Variants in ST6GALNAC6 observed in about 807,000 individuals in gnomAD.
The protein encoded by ST6GALNAC6 is ST6 N-acetylgalactosaminide alpha-2,6-sialyltransferase 6.
Under a neutral mutation model 34.3 loss-of-function variants are expected in ST6GALNAC6, and 19 were observed. The ratio of observed to expected loss-of-function variants is 0.55; its 90% CI spans 0.39 to 0.81. The LOEUF (loss-of-function observed/expected upper bound fraction) is 0.81. Among genes scored for constraint, ST6GALNAC6 ranks in the 40% least tolerant of loss-of-function variants. ST6GALNAC6 has a pLI of 0.00. For synonymous variants in ST6GALNAC6, 185 were observed against 182.1 expected (o/e 1.02, Z -0.13); for missense variants, 377 against 467.7 (o/e 0.81, Z 1.79).
At chr9:127,894,819 C>T (rs565683047) in intron 3 of ST6GALNAC6, 128 bp from the exon 4 acceptor site, 4 of 998,398 alleles carry the variant, frequency 4.0e-6, no homozygotes, top group African/African-American at 3.2e-5. Context: ...CTACTTCCTC[C>T]AGGAAGGCCT....
chr9:127,887,673 C>T (rs891831779), intron 5 of ST6GALNAC6, 82 bp from the exon 6 acceptor site: 31 of 1,107,982 alleles, frequency 2.8e-5, no homozygotes, highest in Non-Finnish European at 3.6e-5. Flanking sequence ...ACGTGGAGTT[C>T]CCTGGAACTC....
At chr9:127,897,701 T>C in intron 2 of ST6GALNAC6, 1 of 817,794 alleles carries the variant, frequency 1.2e-6, no homozygotes, top group Non-Finnish European at 1.8e-6. Context: ...TCCAGAATCC[T>C]GGGGTGGCCC....
intron 3 of ST6GALNAC6, among the ~76,000 whole-genome samples, chr9:127,895,925 A>T (rs1363788597): frequency 1.3e-5 from 2 of 151,906 alleles, no homozygotes. Flanking sequence ...TTTCCCGCTC[A>T]CCTCCACCTG....
At chr9:127,900,326 C>T (rs1830703787), upstream of ST6GALNAC6, among the ~76,000 whole-genome samples, 1 of 151,998 alleles carries the variant, frequency 6.6e-6, no homozygotes, top group Non-Finnish European at 1.5e-5. Context: ...TTTGGGAGGT[C>T]GAGGCAGGTG....
rs749659295 is a variant in ST6GALNAC6 at position 127,896,294 on chromosome 9, C to T, written c.65G>A (p.Gly22Glu). The T allele has an allele frequency of 2.5e-6, 4 of 1,613,894 alleles. No homozygotes were observed. Among genetic ancestry groups the T allele is most frequent in the East Asian group, 2.2e-5 (1 of 44,886 alleles). Residue 22 changes from glycine to glutamate, a missense_variant, in exon 3 of 7, where the codon GGA becomes GAA. By Grantham distance (98) the Gly-to-Glu change is moderately conservative. Coordinates refer to ENST00000373146, the MANE Select transcript of ST6GALNAC6 (RefSeq NM_013443.5). ...PTSLPPGPPA[G>E]RRHLPLSRRR... ...TCTGCTGAGGGGTAGGTGTCGGCGT[C>T]CTGCAGGTGGCCCTGGGGGCAGGGA...
chr9:127,906,306 C>T (rs1830914655), upstream of ST6GALNAC6, among the ~76,000 whole-genome samples: 1 of 152,190 alleles, frequency 6.6e-6, no homozygotes, highest in African/African-American at 2.4e-5. Context: ...TTGGCAACAG[C>T]AGAGCATTAG....
At position 127,890,551 on chromosome 9, in the gene ST6GALNAC6, C is replaced by T; in HGVS notation, c.704+86G>A. ...GACTTGACTACCCCTCAGAGCAGTG[C>T]ATGCTGGGAGCAACAGGCCCTCTGG... On this transcript the variant is annotated intron_variant, in intron 5 of 6. Transcript: ENST00000373146. The surrounding 1 kb of genome is among the most constrained non-coding windows in gnomAD (Gnocchi z 4.3). 6.3e-7 allele frequency: 1 copy of T among 1,583,300 alleles called. No individual in the cohort carries two copies. The highest frequency in any genetic ancestry group is 8.6e-7 in the Non-Finnish European group (1 of 1,160,792).
intron 4 of ST6GALNAC6, among the ~76,000 whole-genome samples, chr9:127,893,190 G>T (rs538305612): frequency 6.6e-6 from 1 of 152,096 alleles, no homozygotes; most frequent in African/African-American, 2.4e-5. Context: ...GCTCCAATGT[G>T]GAAATAAAGG....
chr9:127,887,036 G>C (rs2131456851), intron 6 of ST6GALNAC6, among the ~76,000 whole-genome samples: 1 of 151,834 alleles, frequency 6.6e-6, no homozygotes, highest in Non-Finnish European at 1.5e-5. Flanking sequence ...GCAGTGGTGA[G>C]GGCTGTGAGC....
Position 127,890,911 on chromosome 9 carries a change from A to G in ST6GALNAC6, c.430T>C (p.Ser144Pro). The part of the protein sequence containing the change: ...RMNDAPTTGY[S>P]ADVGNKTTYR... ...GTGGTCTTGTTGCCCACATCAGCTG[A>G]GTAGCCAGTGGTGGGTGCATCATTC... Residue 144 changes from serine to proline, a missense_variant, in exon 5 of 7, where the codon TCA becomes CCA. Coordinates refer to ENST00000373146, the MANE Select transcript of ST6GALNAC6 (RefSeq NM_013443.5). This position sits in a 1 kb window ranked among gnomAD's most constrained non-coding sequence, Gnocchi z 4.3. 6.2e-7 allele frequency: 1 copy of G among 1,614,150 alleles called. No homozygotes were observed. The highest frequency in any genetic ancestry group is 8.5e-7 in the Non-Finnish European group (1 of 1,180,030).
At chr9:127,897,853 G>T (rs1298514833) in intron 2 of ST6GALNAC6, 103 bp downstream of exon 2, 1 of 1,591,950 alleles carries the variant, frequency 6.3e-7, no homozygotes, top group Non-Finnish European at 8.6e-7. Context: ...CCTCAGCCAG[G>T]ACCACCGTCC....
chr9:127,899,644 G>T (rs937545989), upstream of ST6GALNAC6: 19 of 983,372 alleles, frequency 1.9e-5, no homozygotes, highest in African/African-American at 2.1e-4. Context: ...CCGCCGTCAC[G>T]GCCCGGCCCA....
In ST6GALNAC6 at chr9:127,899,493, G is replaced by T; in HGVS notation, c.-30+10C>A. Reference sequence around the variant, plus strand: ...CCCCCGCGGCCTGCTCCCGCGCGGCGCCTGCTCACCTCCGGCGGGGAGCGC... The same window carrying T: ...CCCCCGCGGCCTGCTCCCGCGCGGCTCCTGCTCACCTCCGGCGGGGAGCGC... On this transcript the variant is annotated intron_variant, in intron 1 of 6. Coordinates refer to ENST00000373146, the MANE Select transcript of ST6GALNAC6 (RefSeq NM_013443.5). 1 of 975,104 alleles carries T rather than the reference G, an allele frequency of 1.0e-6. No homozygotes were observed. The highest frequency in any genetic ancestry group is 1.2e-6 in the Non-Finnish European group (1 of 822,060). The allele number at this position is 975,104 out of a possible 1,614,324, so 60.4% of individuals were successfully genotyped here.
In ST6GALNAC6 at chr9:127,892,138, C is replaced by T. The variant is rs368918795; in HGVS notation, c.298-1095G>A. On this transcript the variant is annotated intron_variant, in intron 4 of 6. Transcript: ENST00000373146. ...TGCACTCCAGCCTGGGCAACAAAAGCGAAACTCCATCTCAAAAAACAAAAC... is the reference window on the plus strand; with the variant it reads ...TGCACTCCAGCCTGGGCAACAAAAGTGAAACTCCATCTCAAAAAACAAAAC... Among the ~76,000 whole-genome samples, 6 of 152,102 alleles carry T rather than the reference C, an allele frequency of 3.9e-5. No individual in the cohort carries two copies. In the South Asian group the frequency reaches 6.3e-4, roughly 16 times the overall value.
At chr9:127,897,398 C>G (rs1830532386) in intron 2 of ST6GALNAC6, 1 of 986,332 alleles carries the variant, frequency 1.0e-6, no homozygotes, top group Non-Finnish European at 1.2e-6. Flanking sequence ...ACACGGCCAC[C>G]AGGAATAGCC....
chr9:127,899,089 C>A (rs1830639625), intron 1 of ST6GALNAC6, among the ~76,000 whole-genome samples: 1 of 152,170 alleles, frequency 6.6e-6, no homozygotes. Context: ...GGGAGGAGGG[C>A]TCCAGGGAGA....
At chr9:127,892,736 T>C (rs991588699) in intron 4 of ST6GALNAC6, among the ~76,000 whole-genome samples, 13 of 152,324 alleles carry the variant, frequency 8.5e-5, no homozygotes, top group Non-Finnish European at 1.3e-4. Context: ...GATAACATCA[T>C]TATTGTAAAA....
chr9:127,896,510 G>A (rs1830464039), intron 2 of ST6GALNAC6, among the ~76,000 whole-genome samples, 178 bp from the exon 3 acceptor site: 1 of 152,186 alleles, frequency 6.6e-6, no homozygotes, highest in Non-Finnish European at 1.5e-5. Flanking sequence ...ATCTGCCTGA[G>A]GTCACACAGC....
rs770939064 is a variant in ST6GALNAC6 at position 127,890,823 on chromosome 9, T to C, written c.518A>G (p.Asn173Ser). 3.7e-6 allele frequency: 6 copies of C among 1,613,888 alleles called. No individual in the cohort carries two copies. In the East Asian group the frequency reaches 8.9e-5, roughly 24 times the overall value. The change falls in exon 5 of 7, where the codon AAC becomes AGC. Residue 173 changes from asparagine to serine, a missense_variant. Coordinates refer to ENST00000373146, the MANE Select transcript of ST6GALNAC6 (RefSeq NM_013443.5). The surrounding 1 kb of genome is among the most constrained non-coding windows in gnomAD (Gnocchi z 4.3). ...GATGAACACGGTTTCAGGGGTCCGGTTGACAAACTCCTGGGGCCTCCTCAG... is the reference window on the plus strand; with the variant it reads ...GATGAACACGGTTTCAGGGGTCCGGCTGACAAACTCCTGGGGCCTCCTCAG... The part of the protein sequence containing the change: ...RVLRRPQEFV[N>S]RTPETVFIFW...
Sources: gnomAD v4.1 joint callset for allele counts (sites outside exome capture counted in the v4.1 genomes callset) on GRCh38, gnomAD v4.1.1 for gene constraint, Gnocchi (gnomAD v3.1) non-coding constraint, MANE v1.5 for transcripts, NCBI Gene and HGNC (gene_info 2026-07-23, HGNC 2026-07-21) for gene names.